ZNF805: variants seen among roughly 807,000 people sequenced by gnomAD.
ZNF805 encodes CTC-444N24.8.
A neutral mutation model predicts 13.6 loss-of-function variants in ZNF805; 7 were observed. That is an observed-to-expected ratio of 0.51 (90% CI 0.29 to 0.97). ZNF805 has a LOEUF of 0.97. Ranked by LOEUF, ZNF805 falls within the 50% of genes least tolerant of loss-of-function variation. The probability of loss-of-function intolerance (pLI) is 0.08; values close to 1 mark genes in which losing one functional copy is unlikely to be tolerated. For missense variants in ZNF805, 604 were observed against 771.0 expected, an observed-to-expected ratio of 0.78 and a Z score of 2.57; for synonymous variants, 293 against 279.8, an observed-to-expected ratio of 1.05 and a Z score of -0.47.
At position 57,256,485 on chromosome 19, in the gene ZNF805, T is replaced by G. The variant is rs1157090691; in HGVS notation, c.*1782T>G. ...GATTTTCCTTTTGAATGCTTTTTAATTATGTATTTATTTTATTTAATAGGT... is the reference window on the plus strand; with the variant it reads ...GATTTTCCTTTTGAATGCTTTTTAAGTATGTATTTATTTTATTTAATAGGT... On this transcript the variant is annotated 3_prime_UTR_variant, in exon 4 of 4. Coordinates refer to ENST00000414468, the MANE Select transcript of ZNF805 (RefSeq NM_001023563.4). 6.6e-6 allele frequency among the ~76,000 whole-genome samples: 1 copy of G among 152,156 alleles called. No homozygotes were observed. The highest frequency in any genetic ancestry group is 1.5e-5 in the Non-Finnish European group (1 of 67,980).
rs767479020 is a variant in ZNF805 at position 57,254,169 on chromosome 19, T to A, written c.1350T>A (p.Thr450=). 3.3e-5 allele frequency: 53 copies of A among 1,613,712 alleles called. No individual in the cohort carries two copies. Among genetic ancestry groups the A allele is most frequent in the Non-Finnish European group, 4.2e-5 (50 of 1,179,976 alleles). The change falls in exon 4 of 4, where the codon ACT becomes ACA. Residue 450 remains threonine, a synonymous_variant. Coordinates refer to ENST00000414468, the MANE Select transcript of ZNF805 (RefSeq NM_001023563.4). ...STFILHKRAH[T]GEKPFECKEC... Reference sequence around the variant, plus strand: ...TCATCTTGCATAAAAGGGCCCACACTGGAGAAAAACCTTTCGAGTGCAAAG... The same window carrying A: ...TCATCTTGCATAAAAGGGCCCACACAGGAGAAAAACCTTTCGAGTGCAAAG...
Position 57,262,692 on chromosome 19 carries a change from A to T in ZNF805, c.*7989A>T, listed in dbSNP as rs761531528. 38 of 167,088 alleles carry T rather than the reference A, an allele frequency of 2.3e-4. No individual in the cohort carries two copies. Among genetic ancestry groups the T allele is most frequent in the Non-Finnish European group, 4.7e-4 (32 of 68,108 alleles). 10.4% of individuals were successfully genotyped at this position (167,088 alleles called of 1,614,324 possible). A position where few individuals can be genotyped will look rare whatever the true frequency, so the allele number is the denominator to read the frequency against. On this transcript the variant is annotated 3_prime_UTR_variant, in exon 4 of 4. Coordinates refer to ENST00000414468, the MANE Select transcript of ZNF805 (RefSeq NM_001023563.4). ...CGCCATAATTTATCATTAAATGTGGATAATTTGAGATTAAAGAATATGTTG... is the reference window on the plus strand; with the variant it reads ...CGCCATAATTTATCATTAAATGTGGTTAATTTGAGATTAAAGAATATGTTG...
At chr19:57,249,356 C>T (rs1057479377) in intron 3 of ZNF805, among the ~76,000 whole-genome samples, 2 of 152,188 alleles carry the variant, frequency 1.3e-5, no homozygotes, top group African/African-American at 4.8e-5. Context: ...AGCACCTACT[C>T]AGTCCACTAC....
chr19:57,253,643 C>G lies in ZNF805; in HGVS notation c.824C>G (p.Thr275Ser), dbSNP rs771902395. ...GCTTTTAATCGGAAGTCACACCTTA[C>G]CCAGCACCAGCGGATTCACAGTGGA... ...GKAFNRKSHL[T>S]QHQRIHSGEK... Residue 275 changes from threonine to serine, a missense_variant, in exon 4 of 4, where the codon ACC (threonine) becomes AGC (serine). Physicochemically the swap from Thr to Ser is moderately conservative, Grantham distance 58 (BLOSUM62 1). Around this residue, in one of 3 missense-constraint regions of ZNF805, gnomAD observed 327 missense variants for 378.2 expected, o/e 0.86. Transcript: ENST00000414468. This position sits in a 1 kb window ranked among gnomAD's most constrained non-coding sequence, Gnocchi z 4.4. The G allele has an allele frequency of 3.7e-6, 6 of 1,612,630 alleles. No individual in the cohort carries two copies. In the East Asian group the frequency reaches 1.3e-4, roughly 36 times the overall value.
chr19:57,254,721 A>C lies in ZNF805; in HGVS notation c.*18A>C. On this transcript the variant is annotated 3_prime_UTR_variant, in exon 4 of 4. Transcript: ENST00000414468. ...CACTGTGAGAAAACCTTCTGTTGCC[A>C]AATGTCATTTGTCACCTAAGGAGTC... 1.3e-6 allele frequency: 2 copies of C among 1,589,824 alleles called. No individual in the cohort carries two copies. Among genetic ancestry groups the C allele is most frequent in the South Asian group, 2.3e-5 (2 of 86,826 alleles).
rs1384640559 is a variant in ZNF805, at chr19:57,258,306, G to C, written c.*3603G>C. 6.6e-6 allele frequency among the ~76,000 whole-genome samples: 1 copy of C among 151,992 alleles called. No individual in the cohort carries two copies. The highest frequency in any genetic ancestry group is 2.4e-5 in the African/African-American group (1 of 41,414). On this transcript the variant is annotated 3_prime_UTR_variant, in exon 4 of 4. Transcript: ENST00000414468. ...GTATGTGTCACTGTGTCTGGCCCCA[G>C]TTTGCATATTTCTGTCTTTTATTGG...
chr19:57,243,961 C>T lies in ZNF805; in HGVS notation c.69C>T (p.Thr23=), dbSNP rs373654227. The stretch of plus-strand genomic sequence containing the variant: ...TTGATGATGTGGCTGTGACTTTCAC[C>T]CAGGAGGAGTGGGGCCAGCTGGACC... The part of the protein sequence containing the change: ...VTFDDVAVTF[T]QEEWGQLDLA... The change falls in exon 2 of 4, where the codon ACC becomes ACT. Residue 23 remains threonine (T), a synonymous_variant. Transcript: ENST00000414468. 6 of 1,613,998 alleles carry T rather than the reference C, an allele frequency of 3.7e-6. No homozygotes were observed. The African/African-American group carries it at 6.7e-5, about 18-fold the overall frequency.
In ZNF805 at chr19:57,260,577, G is replaced by C. The variant is rs1281279003; in HGVS notation, c.*5874G>C. On this transcript the variant is annotated 3_prime_UTR_variant, in exon 4 of 4. Transcript: ENST00000414468. ...AATTCCTGGCTTTTTTCCTTTTTAGGGTCTGTGTCTTTCTTCCATCTGTAA... is the reference window on the plus strand; with the variant it reads ...AATTCCTGGCTTTTTTCCTTTTTAGCGTCTGTGTCTTTCTTCCATCTGTAA... Among the ~76,000 whole-genome samples the C allele has an allele frequency of 1.3e-5, 2 of 151,912 alleles. No individual in the cohort carries two copies. The highest frequency in any genetic ancestry group is 4.8e-5 in the African/African-American group (2 of 41,376).
At chr19:57,250,528 G>A (rs758414017) in intron 3 of ZNF805, among the ~76,000 whole-genome samples, 10 of 151,358 alleles carry the variant, frequency 6.6e-5, no homozygotes, top group South Asian at 4.2e-4. Context: ...CACCGGGCCC[G>A]GCCCCCTTAT....
rs1022880896 is a variant in ZNF805, at chr19:57,259,441, G to A, written c.*4738G>A. Among the ~76,000 whole-genome samples, 1 of 151,558 alleles carries A rather than the reference G, an allele frequency of 6.6e-6. No individual in the cohort carries two copies. Among genetic ancestry groups the A allele is most frequent in the Non-Finnish European group, 1.5e-5 (1 of 67,926 alleles). On this transcript the variant is annotated 3_prime_UTR_variant, in exon 4 of 4. Transcript: ENST00000414468. ...CCATATGCAGTCTACTGTTGAGCTT[G>A]TCCAATGAGTTTTCGTTTTGGTTTT...
At chr19:57,242,379 A>G (rs1333294629) in intron 1 of ZNF805, among the ~76,000 whole-genome samples, 1 of 152,256 alleles carries the variant, frequency 6.6e-6, no homozygotes, top group Non-Finnish European at 1.5e-5. Context: ...AGGAGGTCCA[A>G]GAGGACTTAT....
chr19:57,242,404 T>TC (rs1324971987), intron 1 of ZNF805, among the ~76,000 whole-genome samples: 1 of 152,146 alleles, frequency 6.6e-6, no homozygotes, highest in Non-Finnish European at 1.5e-5. Context: ...TTACCATGGT[T>TC]CCCCCCATCC....
At position 57,259,132 on chromosome 19, in the gene ZNF805, A is replaced by G. The variant is rs192786231; in HGVS notation, c.*4429A>G. On this transcript the variant is annotated 3_prime_UTR_variant, in exon 4 of 4. Transcript: ENST00000414468. ...GAAGTTTGGTTATGAGGTGTGTGACATGGAATTTTTTTGAGTGTATCATGT... is the reference window on the plus strand; with the variant it reads ...GAAGTTTGGTTATGAGGTGTGTGACGTGGAATTTTTTTGAGTGTATCATGT... Among the ~76,000 whole-genome samples, 2 of 152,266 alleles carry G rather than the reference A, an allele frequency of 1.3e-5. No homozygotes were observed. The highest frequency in any genetic ancestry group is 1.9e-4 in the East Asian group (1 of 5,188).
In ZNF805 at chr19:57,253,349, C is replaced by T; in HGVS notation, c.530C>T (p.Ser177Phe). Residue 177 changes from serine (S) to phenylalanine (F), a missense_variant, in exon 4 of 4, where the codon TCC (serine) becomes TTC (phenylalanine). This residue lies in a region of ZNF805 where 327 missense variants were observed against 378.2 expected (regional missense o/e 0.86). Transcript: ENST00000414468. This position sits in a 1 kb window ranked among gnomAD's most constrained non-coding sequence, Gnocchi z 4.4. Reference sequence around the variant, plus strand: ...TCAAGGATTATACAGGATCGAGTCTCCTTAGGAGATGATGTCCATGACTGT... The same window carrying T: ...TCAAGGATTATACAGGATCGAGTCTTCTTAGGAGATGATGTCCATGACTGT... Reference protein sequence around the residue: ...VCSRIIQDRVSLGDDVHDCDS... With the variant: ...VCSRIIQDRVFLGDDVHDCDS... The T allele has an allele frequency of 6.4e-7, 1 of 1,569,476 alleles. No individual in the cohort carries two copies. The highest frequency in any genetic ancestry group is 1.4e-5 in the African/African-American group (1 of 73,708).
At chr19:57,245,609 C>A (rs558199913) in intron 2 of ZNF805, among the ~76,000 whole-genome samples, 1 of 149,038 alleles carries the variant, frequency 6.7e-6, no homozygotes, top group Non-Finnish European at 1.5e-5. Context: ...GCAACCCTGT[C>A]TCTACTAAAA....
intron 3 of ZNF805, among the ~76,000 whole-genome samples, chr19:57,250,062 G>C (rs915440652): frequency 6.6e-6 from 1 of 152,270 alleles, no homozygotes; most frequent in African/African-American, 2.4e-5. Context: ...CCAAGTTTCC[G>C]TGAATGGTTC....
chr19:57,253,496 C>T lies in ZNF805; in HGVS notation c.677C>T (p.Ser226Phe), dbSNP rs1182417888. Reference sequence around the variant, plus strand: ...CTTGCTCGGCATGAGAGGATTCACTCTGGAGTGAAGCCCTATGAATGCACA... The same window carrying T: ...CTTGCTCGGCATGAGAGGATTCACTTTGGAGTGAAGCCCTATGAATGCACA... The part of the protein sequence containing the change: ...RLLARHERIH[S>F]GVKPYECTEC... The change falls in exon 4 of 4, where the codon TCT (serine) becomes TTT (phenylalanine). Residue 226 changes from serine (S) to phenylalanine (F), a missense_variant. Ser to Phe is a radical substitution (Grantham distance 155). Transcript: ENST00000414468. This position sits in a 1 kb window ranked among gnomAD's most constrained non-coding sequence, Gnocchi z 4.4. 1.9e-6 allele frequency: 3 copies of T among 1,608,052 alleles called. No individual in the cohort carries two copies. The highest frequency in any genetic ancestry group is 2.5e-6 in the Non-Finnish European group (3 of 1,176,874).
chr19:57,245,525 A>T (rs528772934), intron 2 of ZNF805, among the ~76,000 whole-genome samples: 1 of 151,722 alleles, frequency 6.6e-6, no homozygotes, highest in Non-Finnish European at 1.5e-5. Flanking sequence ...CATGCCTGTA[A>T]TCCCAGCACT....
At chr19:57,243,217 GAAAC>G (rs1301274700) in intron 1 of ZNF805, among the ~76,000 whole-genome samples, 1 of 152,128 alleles carries the variant, frequency 6.6e-6, no homozygotes, top group African/African-American at 2.4e-5. Flanking sequence ...CCCTGTCTCT[GAAAC>G]AAACAAACAG....
Sources: gnomAD v4.1 joint callset for allele counts (sites outside exome capture counted in the v4.1 genomes callset) on GRCh38, gnomAD v4.1.1 for gene constraint, gnomAD v4.1.1 regional missense constraint, Gnocchi (gnomAD v3.1) non-coding constraint, MANE v1.5 for transcripts, NCBI Gene and HGNC (gene_info 2026-07-23, HGNC 2026-07-21) for gene names.